Variants in ATP6V1H observed in about 807,000 individuals in gnomAD.
ATP6V1H encodes the protein V-type proton ATPase subunit H.
Under a neutral mutation model 71.7 loss-of-function variants are expected in ATP6V1H, and 39 were observed. That is an observed-to-expected ratio of 0.54 (90% CI 0.42 to 0.71). The LOEUF (loss-of-function observed/expected upper bound fraction) is 0.71. Among genes scored for constraint, ATP6V1H ranks in the 30% least tolerant of loss-of-function variants. ATP6V1H has a pLI of 0.00. For missense variants in ATP6V1H, 509 were observed against 594.9 expected, an observed-to-expected ratio of 0.86 and a Z score of 1.50; for synonymous variants, 192 against 199.3, an observed-to-expected ratio of 0.96 and a Z score of 0.31.
rs555937680 is a variant in ATP6V1H, at chr8:53,772,895, A to G, written c.871-728T>C. Among the ~76,000 whole-genome samples the G allele has an allele frequency of 2.2e-3, 304 of 141,256 alleles. 2 individuals carry two copies. The highest frequency in any genetic ancestry group is 8.6e-3 in the African/African-American group (293 of 34,268). 92.7% of individuals were successfully genotyped at this position (141,256 alleles called of 152,430 possible). ...TTCACCAAGCTAGTTTAAAAAGCCT[A>G]TCAAATGCAAAAAAAAAAAAAAAAA... On this transcript the variant is annotated intron_variant, in intron 9 of 13. Coordinates refer to ENST00000359530, the MANE Select transcript of ATP6V1H (RefSeq NM_015941.4).
At chr8:53,825,867 C>T (rs1368406071) in intron 4 of ATP6V1H, among the ~76,000 whole-genome samples, 1 of 151,552 alleles carries the variant, frequency 6.6e-6, no homozygotes, top group Admixed American at 6.6e-5. Flanking sequence ...TACTCAAAAT[C>T]TAGATTAAAA....
chr8:53,836,098 T>C (rs187950252), intron 2 of ATP6V1H, among the ~76,000 whole-genome samples: 6 of 152,238 alleles, frequency 3.9e-5, no homozygotes. Context: ...CAGGAAAAAA[T>C]GCACTCTGCA....
At chr8:53,821,642 G>A (rs947637888) in intron 4 of ATP6V1H, among the ~76,000 whole-genome samples, 10 of 151,994 alleles carry the variant, frequency 6.6e-5, no homozygotes, top group Admixed American at 5.2e-4. Context: ...AGCTGAGATC[G>A]TACCACTGAA....
intron 13 of ATP6V1H, among the ~76,000 whole-genome samples, chr8:53,735,681 T>C (rs1554554672): frequency 6.6e-6 from 1 of 152,138 alleles, no homozygotes; most frequent in East Asian, 1.9e-4. Context: ...AATGCAGGCT[T>C]CAGGAATAGC....
chr8:53,771,874 A>T, intron 10 of ATP6V1H, 115 bp downstream of exon 10: 1 of 880,588 alleles, frequency 1.1e-6, no homozygotes, highest in South Asian at 1.7e-5. Context: ...AACGTATTTT[A>T]GTGGACTCTC....
At chr8:53,828,507 A>AT (rs1407746896) in intron 4 of ATP6V1H, among the ~76,000 whole-genome samples, 1 of 152,216 alleles carries the variant, frequency 6.6e-6, no homozygotes, top group Non-Finnish European at 1.5e-5. Flanking sequence ...CAGTAACAAG[A>AT]TAACCATGGC....
At chr8:53,786,246 C>T (rs1027713307) in intron 9 of ATP6V1H, among the ~76,000 whole-genome samples, 7 of 152,202 alleles carry the variant, frequency 4.6e-5, no homozygotes, top group Non-Finnish European at 1.0e-4. Flanking sequence ...GGCGGGCACC[C>T]CTCCCCCAGC....
At chr8:53,750,818 A>G (rs907357596) in intron 12 of ATP6V1H, among the ~76,000 whole-genome samples, 1 of 152,150 alleles carries the variant, frequency 6.6e-6, no homozygotes, top group Admixed American at 6.5e-5. Flanking sequence ...CCATGATAAC[A>G]AAAAGAGTGT....
At chr8:53,810,520 T>C (rs917924987) in intron 7 of ATP6V1H, among the ~76,000 whole-genome samples, 5 of 152,054 alleles carry the variant, frequency 3.3e-5, no homozygotes, top group Non-Finnish European at 5.9e-5. Context: ...GGCAGGCGGA[T>C]CACGAGGTCA....
chr8:53,748,358 CA>C (rs1298182484), intron 12 of ATP6V1H, among the ~76,000 whole-genome samples: 6 of 152,064 alleles, frequency 3.9e-5, no homozygotes, highest in African/African-American at 4.8e-5. Context: ...TATATACTGC[CA>C]GGGGGACTCT....
chr8:53,783,131 T>C (rs1464284217), intron 9 of ATP6V1H, among the ~76,000 whole-genome samples: 10 of 152,238 alleles, frequency 6.6e-5, no homozygotes, highest in South Asian at 2.1e-4. Context: ...CAGCTCCTCC[T>C]TGTACCTCTG....
chr8:53,771,472 C>T (rs943282238), intron 10 of ATP6V1H, among the ~76,000 whole-genome samples: 1 of 152,070 alleles, frequency 6.6e-6, no homozygotes, highest in Non-Finnish European at 1.5e-5. Flanking sequence ...GAAGCAAACA[C>T]AAGAGACCCG....
rs556879583 is a variant in ATP6V1H, at chr8:53,765,761, T to C, written c.1175+3857A>G. On this transcript the variant is annotated intron_variant, in intron 11 of 13. Coordinates refer to ENST00000359530, the MANE Select transcript of ATP6V1H (RefSeq NM_015941.4). ...ATCAAAATCCTGGCAAGTTATTTTG[T>C]AGATACTGACAAACTAATGTTTGTT... 3.3e-4 allele frequency among the ~76,000 whole-genome samples: 50 copies of C among 152,320 alleles called. 1 individual carries two copies. The highest frequency in any genetic ancestry group is 1.1e-3 in the African/African-American group (47 of 41,568).
At chr8:53,807,064 G>T (rs1015730750) in intron 7 of ATP6V1H, among the ~76,000 whole-genome samples, 1 of 152,150 alleles carries the variant, frequency 6.6e-6, no homozygotes, top group African/African-American at 2.4e-5. Context: ...TTAATAACAG[G>T]CCTGCAGTAT....
At chr8:53,825,252 GT>G (rs1810789276) in intron 4 of ATP6V1H, among the ~76,000 whole-genome samples, 2 of 152,094 alleles carry the variant, frequency 1.3e-5, no homozygotes, top group East Asian at 3.9e-4. Context: ...GCCCAGGCTG[GT>G]TTCAAACTCC....
intron 11 of ATP6V1H, among the ~76,000 whole-genome samples, chr8:53,767,165 C>A (rs1018683367): frequency 6.6e-6 from 1 of 152,168 alleles, no homozygotes; most frequent in Non-Finnish European, 1.5e-5. Context: ...AAAGAACCTA[C>A]GTGATTTTCG....
At position 53,797,016 on chromosome 8, in the gene ATP6V1H, G is replaced by A. The variant is rs138840621; in HGVS notation, c.678-1177C>T. 7.6e-3 allele frequency among the ~76,000 whole-genome samples: 1,156 copies of A among 152,294 alleles called. 3 individuals are homozygous for A. The highest frequency in any genetic ancestry group is 0.015 in the South Asian group (73 of 4,824). ...TGTCTTCTCTATTTTTGGATGTTAT[G>A]TAAAACTTGCTTTTTAATTAATATT... On this transcript the variant is annotated intron_variant, in intron 8 of 13. Coordinates refer to ENST00000359530, the MANE Select transcript of ATP6V1H (RefSeq NM_015941.4).
At chr8:53,758,488 A>G (rs1808150199) in intron 11 of ATP6V1H, among the ~76,000 whole-genome samples, 1 of 152,202 alleles carries the variant, frequency 6.6e-6, no homozygotes, top group Admixed American at 6.5e-5. Flanking sequence ...TGATACAAAG[A>G]TCAATGTACA....
At chr8:53,816,378 C>T (rs181862492) in intron 5 of ATP6V1H, among the ~76,000 whole-genome samples, 3 of 152,232 alleles carry the variant, frequency 2.0e-5, no homozygotes, top group Admixed American at 6.5e-5. Flanking sequence ...ATCCCCAACC[C>T]GTAGCCCACT....
Sources: gnomAD v4.1 joint callset for allele counts (sites outside exome capture counted in the v4.1 genomes callset) on GRCh38, gnomAD v4.1.1 for gene constraint, MANE v1.5 for transcripts, NCBI Gene and HGNC (gene_info 2026-07-23, HGNC 2026-07-21) for gene names.